ARHGEF28: variants seen among roughly 807,000 people sequenced by gnomAD.
ARHGEF28 encodes the protein Rho guanine nucleotide exchange factor 28.
A neutral mutation model predicts 206.6 loss-of-function variants in ARHGEF28; 152 were observed. That is an observed-to-expected ratio of 0.74 (90% CI 0.64 to 0.84). The LOEUF (loss-of-function observed/expected upper bound fraction) is 0.84, where lower values mean the gene tolerates loss of function less well. Among genes scored for constraint, ARHGEF28 ranks in the 40% least tolerant of loss-of-function variants. The probability of loss-of-function intolerance (pLI) is 0.00; values close to 1 mark genes in which losing one functional copy is unlikely to be tolerated. For missense variants in ARHGEF28, 2,028 were observed against 2,073.2 expected, an observed-to-expected ratio of 0.98 and a Z score of 0.42; for synonymous variants, 763 against 776.4, an observed-to-expected ratio of 0.98 and a Z score of 0.29.
At chr5:73,736,742 A>G (rs370754771) in intron 2 of ARHGEF28, among the ~76,000 whole-genome samples, 16 of 149,784 alleles carry the variant, frequency 1.1e-4, no homozygotes, top group Middle Eastern at 6.8e-3. Flanking sequence ...TAACATCTAT[A>G]TGGTAGGAGT....
chr5:73,816,789 C>T (rs1756238933), intron 9 of ARHGEF28, among the ~76,000 whole-genome samples: 1 of 152,140 alleles, frequency 6.6e-6, no homozygotes. Context: ...CAGTTAAAAC[C>T]AGGCTGCCCA....
intron 28 of ARHGEF28, 113 bp from the exon 29 acceptor site, chr5:73,894,270 AACCTGGGTTT>A: frequency 1.0e-6 from 1 of 973,930 alleles, no homozygotes; most frequent in Non-Finnish European, 1.5e-6. Context: ...CCCACTCATC[AACCTGGGTTT>A]TCTCTTGGAG....
At chr5:73,864,629 A>G (rs188257118) in intron 16 of ARHGEF28, among the ~76,000 whole-genome samples, 188 bp from the exon 17 acceptor site, 4 of 152,310 alleles carry the variant, frequency 2.6e-5, no homozygotes, top group Admixed American at 1.3e-4. Context: ...AAATAATAGC[A>G]TTCTGCTTGT....
At chr5:73,887,580 C>G in intron 25 of ARHGEF28, 23 bp from the exon 26 acceptor site, 1 of 1,512,582 alleles carries the variant, frequency 6.6e-7, no homozygotes, top group Non-Finnish European at 8.9e-7. Flanking sequence ...TTCATTAATA[C>G]TAGTAATGTT....
chr5:73,789,546 TG>T (rs1754342402), intron 7 of ARHGEF28, among the ~76,000 whole-genome samples: 1 of 152,186 alleles, frequency 6.6e-6, no homozygotes, highest in Admixed American at 6.5e-5. Flanking sequence ...ATACTCTAAA[TG>T]GGTGAATTGT....
intron 14 of ARHGEF28, among the ~76,000 whole-genome samples, chr5:73,854,052 A>G (rs1233088857): frequency 6.6e-6 from 1 of 150,922 alleles, no homozygotes; most frequent in Non-Finnish European, 1.5e-5. Context: ...GTTCCTTTCT[A>G]TTCTTTAATC....
intron 29 of ARHGEF28, among the ~76,000 whole-genome samples, 151 bp downstream of exon 29, chr5:73,894,726 G>C (rs1419871070): frequency 6.6e-6 from 1 of 152,192 alleles, no homozygotes; most frequent in Non-Finnish European, 1.5e-5. Context: ...TCTAGAAATA[G>C]CCAAATATAA....
intron 35 of ARHGEF28, among the ~76,000 whole-genome samples, chr5:73,937,165 G>A (rs1228392305): frequency 6.6e-6 from 1 of 152,226 alleles, no homozygotes; most frequent in Non-Finnish European, 1.5e-5. Context: ...TCTCTTGACA[G>A]TCTATTTCCT....
intron 4 of ARHGEF28, among the ~76,000 whole-genome samples, chr5:73,759,718 T>C (rs901538503): frequency 2.0e-5 from 3 of 152,208 alleles, no homozygotes; most frequent in Non-Finnish European, 4.4e-5. Flanking sequence ...TAAAAAGCAG[T>C]TTTAATATTG....
chr5:73,654,710 C>G (rs576441013), intron 1 of ARHGEF28, among the ~76,000 whole-genome samples: 1 of 152,170 alleles, frequency 6.6e-6, no homozygotes, highest in African/African-American at 2.4e-5. Flanking sequence ...GAAATGCTGC[C>G]AGAATGAACT....
chr5:73,679,172 A>G (rs1177736000), intron 1 of ARHGEF28, among the ~76,000 whole-genome samples: 1 of 152,254 alleles, frequency 6.6e-6, no homozygotes, highest in East Asian at 1.9e-4. Flanking sequence ...CTCTTTCTCC[A>G]AAAATTTACA....
intron 35 of ARHGEF28, among the ~76,000 whole-genome samples, chr5:73,938,332 C>T (rs139940686): frequency 1.1e-3 from 163 of 152,202 alleles, no homozygotes; most frequent in African/African-American, 3.8e-3. Flanking sequence ...TCTCTTGAAG[C>T]CATTAAGGGG....
chr5:73,770,774 A>G (rs969609102), intron 4 of ARHGEF28, among the ~76,000 whole-genome samples: 5 of 152,196 alleles, frequency 3.3e-5, no homozygotes, highest in Admixed American at 6.5e-5. Flanking sequence ...TTTTCTTTAA[A>G]CATCAGAAGA....
chr5:73,858,595 CA>C (rs1759198514), intron 16 of ARHGEF28, among the ~76,000 whole-genome samples: 1 of 152,166 alleles, frequency 6.6e-6, no homozygotes, highest in Non-Finnish European at 1.5e-5. Flanking sequence ...TCTCACATCC[CA>C]CATCCAATCC....
At chr5:73,870,046 T>C in intron 20 of ARHGEF28, 23 bp from the exon 21 acceptor site, 1 of 1,604,808 alleles carries the variant, frequency 6.2e-7, no homozygotes, top group Non-Finnish European at 8.5e-7. Flanking sequence ...ACTTCTGGCT[T>C]TTCTTTTCTA....
chr5:73,782,627 C>G (rs899263902), intron 7 of ARHGEF28, among the ~76,000 whole-genome samples: 1 of 152,180 alleles, frequency 6.6e-6, no homozygotes, highest in South Asian at 2.1e-4. Flanking sequence ...TTACTATTCT[C>G]CCCTGTGGGT....
In ARHGEF28 at chr5:73,650,277, C is replaced by CT. The variant is rs138217794; in HGVS notation, c.-12+23981dup. ...CACCTGAGAGATGTTTTCTTTCTTT[C>CT]TTTTTTTTTTTTTTTTTTTTTTTTT... On this transcript the variant is annotated intron_variant, in intron 1 of 35. Coordinates refer to ENST00000513042, the MANE Select transcript of ARHGEF28 (RefSeq NM_001177693.2). 4.7e-3 allele frequency among the ~76,000 whole-genome samples: 443 copies of CT among 94,016 alleles called. 3 individuals are homozygous for CT. The highest frequency in any genetic ancestry group is 0.015 in the East Asian group (48 of 3,198). 61.7% of individuals were successfully genotyped at this position (94,016 alleles called of 152,430 possible).
intron 29 of ARHGEF28, among the ~76,000 whole-genome samples, chr5:73,896,062 CT>C (rs763096950): frequency 1.3e-5 from 2 of 152,082 alleles, no homozygotes; most frequent in Non-Finnish European, 2.9e-5. Context: ...TTTTGTAAAA[CT>C]TTTAGTGAGG....
At chr5:73,913,589 A>AT (rs1184005431) in intron 35 of ARHGEF28, among the ~76,000 whole-genome samples, 1 of 152,172 alleles carries the variant, frequency 6.6e-6, no homozygotes, top group Non-Finnish European at 1.5e-5. Context: ...CTTGGGGGAC[A>AT]GTGACTGCGG....
Sources: allele counts gnomAD v4.1 joint callset (sites outside exome capture counted in the v4.1 genomes callset), GRCh38; gene constraint gnomAD v4.1.1; transcripts MANE v1.5; gene names NCBI Gene and HGNC (gene_info 2026-07-23, HGNC 2026-07-21).